The following PRKCH variants were observed in gnomAD, a reference collection of about 807,000 sequenced individuals.
PRKCH encodes the protein protein kinase C eta type.
In PRKCH, 28 loss-of-function variants were observed where a neutral mutation model predicts 82.5. The ratio of observed to expected loss-of-function variants is 0.34; its 90% CI spans 0.25 to 0.47. The LOEUF is 0.47. Among genes scored for constraint, PRKCH ranks in the 20% least tolerant of loss-of-function variants. The pLI is 1.00. For synonymous variants in PRKCH, 322 were observed against 327.4 expected, an observed-to-expected ratio of 0.98 and a Z score of 0.18; for missense variants, 705 against 881.8, an observed-to-expected ratio of 0.80 and a Z score of 2.54.
chr14:61,424,623 T>C (rs142716068), intron 2 of PRKCH, among the ~76,000 whole-genome samples: 384 of 152,240 alleles, frequency 2.5e-3, no homozygotes, highest in Non-Finnish European at 4.3e-3. Context: ...GTTTGGAAAA[T>C]TTGCAGTCTG....
chr14:61,367,021 T>C (rs2046305762), intron 1 of PRKCH, among the ~76,000 whole-genome samples: 1 of 152,046 alleles, frequency 6.6e-6, no homozygotes, highest in South Asian at 2.1e-4. Context: ...TCTGTTTTCC[T>C]GAATATATCC....
rs75676886 is a variant in PRKCH at position 61,326,104 on chromosome 14, A to G, written c.363+3640A>G. Among the ~76,000 whole-genome samples, 939 of 152,348 alleles carry G rather than the reference A, an allele frequency of 6.2e-3. 42 individuals carry two copies. The East Asian group carries it at 0.097, about 16-fold the overall frequency. On this transcript the variant is annotated intron_variant, in intron 1 of 13. Coordinates refer to ENST00000332981, the MANE Select transcript of PRKCH (RefSeq NM_006255.5). The stretch of plus-strand genomic sequence containing the variant: ...CTATATAACTTACTGTTTAGTATTT[A>G]CTAAAAGAAATGAAATCATTCATAC...
rs1092331 is a variant in PRKCH, at chr14:61,530,813, A to G, written c.1761+218A>G. On this transcript the variant is annotated intron_variant, in intron 12 of 13. Transcript: ENST00000332981. ...TTATGCAGTAGTTATTTTGGGGTCA[A>G]TTTCAATAGCCCTTGATAACTTTGT... is the stretch of plus-strand genomic sequence containing the variant. Among the ~76,000 whole-genome samples, 114,749 of 152,162 alleles carry G rather than the reference A, an allele frequency of 0.75. 45,221 individuals carry two copies. The highest frequency in any genetic ancestry group is 0.89 in the Middle Eastern group (263 of 294).
At position 61,266,005 on chromosome 14, in the gene PRKCH, G is replaced by A. The variant is rs138137861; in HGVS notation, c.-19+78337G>A. 5.5e-3 allele frequency among the ~76,000 whole-genome samples: 841 copies of A among 152,272 alleles called. 3 individuals carry two copies. The highest frequency in any genetic ancestry group is 0.019 in the African/African-American group (797 of 41,550). ...AGCTACTCGGGAGGCTAAGGCAGGA[G>A]AATCACTTGAACCTGGGAGGCAGAA... On this transcript the variant is annotated intron_variant, in intron 1 of 3. Coordinates refer to the PRKCH transcript ENST00000555185.
intron 2 of PRKCH, among the ~76,000 whole-genome samples, chr14:61,395,768 A>T (rs555055513): frequency 2.6e-5 from 4 of 152,146 alleles, no homozygotes; most frequent in Non-Finnish European, 5.9e-5. Flanking sequence ...TATACTCAGC[A>T]GGTTCGTTTT....
intron 1 of PRKCH, among the ~76,000 whole-genome samples, chr14:61,327,645 C>T (rs1183014626): frequency 3.2e-4 from 49 of 152,188 alleles, no homozygotes; most frequent in Admixed American, 3.2e-3. Flanking sequence ...TCGTTGCACT[C>T]ATTGCTCTCT....
intron 2 of PRKCH, among the ~76,000 whole-genome samples, chr14:61,410,228 T>C (rs894624146): frequency 6.6e-6 from 1 of 152,208 alleles, no homozygotes; most frequent in African/African-American, 2.4e-5. Context: ...CACCCCGTTC[T>C]TAAAAATGGT....
chr14:61,540,684 C>T (rs79018460), intron 12 of PRKCH, among the ~76,000 whole-genome samples: 2,565 of 152,264 alleles, frequency 0.017, 71 homozygotes, highest in African/African-American at 0.058. Context: ...TTGTATCAAA[C>T]GGTATCATTC....
chr14:61,293,711 G>C lies in PRKCH; in HGVS notation c.-19+106043G>C, dbSNP rs558144244. On this transcript the variant is annotated intron_variant, in intron 1 of 3. Transcript: ENST00000555185. ...TTGTGCTAAATAATAGAAGGTTACT[G>C]CCAGCACCATCTCTGATCAGTCTGC... 3.3e-5 allele frequency among the ~76,000 whole-genome samples: 5 copies of C among 152,198 alleles called. No homozygotes were observed. In the East Asian group the frequency reaches 9.7e-4, roughly 29 times the overall value.
At chr14:61,360,679 A>G (rs912952587) in intron 1 of PRKCH, among the ~76,000 whole-genome samples, 2 of 152,236 alleles carry the variant, frequency 1.3e-5, no homozygotes, top group African/African-American at 2.4e-5. Flanking sequence ...AAAGAAAGGC[A>G]GGATCTTCTA....
At position 61,292,771 on chromosome 14, in the gene PRKCH, C is replaced by CAAA. The variant is rs33918460; in HGVS notation, c.-19+105122_-19+105124dup. Among the ~76,000 whole-genome samples, 411 of 69,460 alleles carry CAAA rather than the reference C, an allele frequency of 5.9e-3. 15 individuals are homozygous for CAAA. In the East Asian group the frequency reaches 0.061, roughly 10 times the overall value. 45.6% of individuals were successfully genotyped at this position (69,460 alleles called of 152,430 possible). On this transcript the variant is annotated intron_variant, in intron 1 of 3. Transcript: ENST00000555185. ...GGGCAACAGAGTGAGACTCCATCTC[C>CAAA]AAAAAAAAAAAAAAAAAAAAAGCAC...
chr14:61,330,890 G>C (rs1169619805), intron 1 of PRKCH, among the ~76,000 whole-genome samples: 1 of 152,092 alleles, frequency 6.6e-6, no homozygotes. Flanking sequence ...CCTGGGCCAC[G>C]TTGGAAGAAG....
rs566915557 is a variant in PRKCH at position 61,378,499 on chromosome 14, C to T, written c.364-12726C>T. 3.4e-3 allele frequency among the ~76,000 whole-genome samples: 511 copies of T among 152,270 alleles called. 1 individual carries two copies. Among genetic ancestry groups the T allele is most frequent in the African/African-American group, 0.011 (477 of 41,560 alleles). On this transcript the variant is annotated intron_variant, in intron 1 of 13. Coordinates refer to ENST00000332981, the MANE Select transcript of PRKCH (RefSeq NM_006255.5). ...GAGATTACAGATGTGAGCCGCCACA[C>T]CCAGCACTGAATAGTGCTTTTGATG... is the stretch of plus-strand genomic sequence containing the variant.
At chr14:61,522,113 AC>A (rs1215386705) in intron 10 of PRKCH, among the ~76,000 whole-genome samples, 1 of 152,182 alleles carries the variant, frequency 6.6e-6, no homozygotes, top group Non-Finnish European at 1.5e-5. Context: ...GTGATCCAGA[AC>A]CTGCTGATGC....
At chr14:61,518,019 T>A (rs3751295) in intron 10 of PRKCH, among the ~76,000 whole-genome samples, 20,097 of 152,136 alleles carry the variant, frequency 0.13, 1,436 homozygotes, top group African/African-American at 0.19. Flanking sequence ...GACCCAGTGG[T>A]TTCTGTGGGT....
chr14:61,452,595 G>A (rs1475816067), intron 6 of PRKCH, among the ~76,000 whole-genome samples: 1 of 152,196 alleles, frequency 6.6e-6, no homozygotes, highest in Non-Finnish European at 1.5e-5. Context: ...CTGACCTTCA[G>A]AAAGTTTTAA....
intron 7 of PRKCH, 96 bp from the exon 8 acceptor site, chr14:61,457,080 G>A (rs1315657992): frequency 7.3e-7 from 1 of 1,361,628 alleles, no homozygotes; most frequent in Non-Finnish European, 1.0e-6. Context: ...GTTATACTGG[G>A]GGTGAGACTG....
chr14:61,282,434 C>T (rs1234638384), intron 1 of PRKCH, among the ~76,000 whole-genome samples: 2 of 152,234 alleles, frequency 1.3e-5, no homozygotes, highest in East Asian at 3.9e-4. Flanking sequence ...TATTACACTA[C>T]ACCTAGCATA....
chr14:61,385,166 G>A (rs927145933), intron 1 of PRKCH, among the ~76,000 whole-genome samples: 11 of 152,182 alleles, frequency 7.2e-5, no homozygotes, highest in African/African-American at 2.7e-4. Flanking sequence ...AATGCTAAGT[G>A]TGTTCATTTC....
Sources: allele counts gnomAD v4.1 joint callset (sites outside exome capture counted in the v4.1 genomes callset), GRCh38; gene constraint gnomAD v4.1.1; transcripts MANE v1.5; gene names NCBI Gene and HGNC (gene_info 2026-07-23, HGNC 2026-07-21).